OXCT1: variants seen among roughly 807,000 people sequenced by gnomAD.
The protein encoded by OXCT1 is 3-oxoacid CoA-transferase 1.
A neutral mutation model predicts 69.6 loss-of-function variants in OXCT1; 27 were observed. That is an observed-to-expected ratio of 0.39 (90% CI 0.29 to 0.54). The LOEUF (loss-of-function observed/expected upper bound fraction) is 0.54. Among genes scored for constraint, OXCT1 ranks in the 20% least tolerant of loss-of-function variants. The probability of loss-of-function intolerance (pLI) is 0.72; values close to 1 mark genes in which losing one functional copy is unlikely to be tolerated. For missense variants in OXCT1, 437 were observed against 650.2 expected, an observed-to-expected ratio of 0.67 and a Z score of 3.57; for synonymous variants, 202 against 217.8, an observed-to-expected ratio of 0.93 and a Z score of 0.64.
intron 11 of OXCT1, among the ~76,000 whole-genome samples, chr5:41,795,121 T>C (rs1746118145): frequency 6.6e-6 from 1 of 152,164 alleles, no homozygotes; most frequent in Admixed American, 6.5e-5. Flanking sequence ...CATCAGCTTA[T>C]CAAGCATTAG....
intron 7 of OXCT1, among the ~76,000 whole-genome samples, chr5:41,838,204 G>A (rs1748462219): frequency 6.6e-6 from 1 of 152,056 alleles, no homozygotes; most frequent in South Asian, 2.1e-4. Context: ...ACAGAACAGG[G>A]GGCTGGAGGT....
At chr5:41,809,116 T>TTTTGTATATTTATTACTTATAC (rs1409170254) in intron 7 of OXCT1, among the ~76,000 whole-genome samples, 4 of 152,050 alleles carry the variant, frequency 2.6e-5, no homozygotes, top group African/African-American at 9.7e-5. Context: ...AAATGCAAGA[T>TTTTGTATATTTATTACTTATAC]TTTGTATAAG....
In OXCT1 at chr5:41,801,025, C is replaced by A. The variant is rs1395320923; in HGVS notation, c.1096G>T (p.Ala366Ser). ...GGCTAGAAATAAGTGAGCTTACCTG[C>A]ATTGATGAGATCTGCATCAGCTTCA... Reference protein sequence around the residue: ...QHEADADLINAGKETVTILPG... With the variant: ...QHEADADLINSGKETVTILPG... Residue 366 changes from alanine (A) to serine (S), a missense_variant, in exon 11 of 17, where the codon GCA (alanine) becomes TCA (serine). By Grantham distance (99) the Ala-to-Ser change is moderately conservative. Transcript: ENST00000196371. 6.2e-7 allele frequency: 1 copy of A among 1,612,022 alleles called. No homozygotes were observed. The highest frequency in any genetic ancestry group is 1.7e-5 in the Admixed American group (1 of 59,952).
At chr5:41,823,695 C>G (rs1161473243) in intron 7 of OXCT1, among the ~76,000 whole-genome samples, 1 of 152,108 alleles carries the variant, frequency 6.6e-6, no homozygotes. Flanking sequence ...CACGTTAGGC[C>G]TGAAATTGGA....
chr5:41,787,416 A>C (rs1274020746), intron 13 of OXCT1, among the ~76,000 whole-genome samples: 6 of 152,106 alleles, frequency 3.9e-5, no homozygotes. Context: ...TGCAAGCTGC[A>C]GTACAGGAAG....
chr5:41,758,777 G>A (rs961543105), intron 14 of OXCT1, among the ~76,000 whole-genome samples: 3 of 152,024 alleles, frequency 2.0e-5, no homozygotes, highest in Non-Finnish European at 4.4e-5. Context: ...CAGACAGAGG[G>A]GGCATAGAAA....
At chr5:41,851,423 T>C (rs1749167189) in intron 4 of OXCT1, among the ~76,000 whole-genome samples, 1 of 152,168 alleles carries the variant, frequency 6.6e-6, no homozygotes, top group African/African-American at 2.4e-5. Context: ...ATCATCAAAA[T>C]TACCATAACA....
intron 7 of OXCT1, among the ~76,000 whole-genome samples, chr5:41,813,187 T>C (rs1304465162): frequency 1.3e-5 from 2 of 151,970 alleles, no homozygotes; most frequent in East Asian, 1.9e-4. Context: ...AGCAGGAAAA[T>C]GTGACTTGAG....
Position 41,730,562 on chromosome 5 carries a change from A to T in OXCT1, c.*1167T>A, listed in dbSNP as rs961699007. On this transcript the variant is annotated 3_prime_UTR_variant, in exon 17 of 17. Coordinates refer to ENST00000196371, the MANE Select transcript of OXCT1 (RefSeq NM_000436.4). ...GTCTCACCTGTTCTTCAGGGTGCCT[A>T]GACTTTTTACCCATCTATTATCCGG... The T allele has an allele frequency of 1.3e-5, 2 of 152,200 alleles. No homozygotes were observed. The highest frequency in any genetic ancestry group is 2.9e-5 in the Non-Finnish European group (2 of 68,052). 9.4% of individuals were successfully genotyped at this position (152,200 alleles called of 1,614,324 possible).
Position 41,731,077 on chromosome 5 carries a change from T to C in OXCT1, c.*652A>G, listed in dbSNP as rs1484378024. ...AATGAGAAAACTGAGAAGAATCAGT[T>C]AGGTTTCTAGCCCTCTTCCTATAAT... is the stretch of plus-strand genomic sequence containing the variant. On this transcript the variant is annotated 3_prime_UTR_variant, in exon 17 of 17. Coordinates refer to ENST00000196371, the MANE Select transcript of OXCT1 (RefSeq NM_000436.4). 1.3e-5 allele frequency: 2 copies of C among 152,360 alleles called. No individual in the cohort carries two copies. The highest frequency in any genetic ancestry group is 2.9e-5 in the Non-Finnish European group (2 of 68,208). 9.4% of individuals were successfully genotyped at this position (152,360 alleles called of 1,614,324 possible).
At chr5:41,732,834 A>G (rs951287587) in intron 16 of OXCT1, among the ~76,000 whole-genome samples, 1 of 152,232 alleles carries the variant, frequency 6.6e-6, no homozygotes, top group African/African-American at 2.4e-5. Flanking sequence ...TTTGGCTTTC[A>G]TAAGGTTAAA....
chr5:41,761,516 T>C (rs2112099276), intron 14 of OXCT1, among the ~76,000 whole-genome samples: 1 of 152,236 alleles, frequency 6.6e-6, no homozygotes, highest in East Asian at 1.9e-4. Flanking sequence ...GTAATTTTTG[T>C]CCAGTTTTGG....
At chr5:41,741,285 T>C (rs545091595) in intron 15 of OXCT1, among the ~76,000 whole-genome samples, 25 of 152,256 alleles carry the variant, frequency 1.6e-4, no homozygotes, top group Admixed American at 5.9e-4. Flanking sequence ...AAGTCAAACC[T>C]TGAATTGTCA....
At chr5:41,867,543 C>T (rs1750049796) in intron 1 of OXCT1, among the ~76,000 whole-genome samples, 1 of 152,138 alleles carries the variant, frequency 6.6e-6, no homozygotes, top group Admixed American at 6.5e-5. Flanking sequence ...GGAAGTGCAG[C>T]AAGGAGAAGA....
intron 5 of OXCT1, among the ~76,000 whole-genome samples, chr5:41,844,639 T>C (rs1172664399): frequency 6.6e-6 from 1 of 152,052 alleles, no homozygotes; most frequent in Non-Finnish European, 1.5e-5. Context: ...TCCCCTGATA[T>C]GACGTTCACT....
intron 1 of OXCT1, among the ~76,000 whole-genome samples, chr5:41,865,539 A>C (rs762801099): frequency 6.6e-6 from 1 of 152,184 alleles, no homozygotes; most frequent in African/African-American, 2.4e-5. Context: ...TTTGATATCT[A>C]TTTACTAACA....
intron 13 of OXCT1, among the ~76,000 whole-genome samples, chr5:41,776,648 C>A (rs574507539): frequency 1.3e-5 from 2 of 152,310 alleles, no homozygotes; most frequent in African/African-American, 4.8e-5. Context: ...CTTGTAGTAA[C>A]TGAACTTTAT....
At chr5:41,861,857 T>C (rs1749753699) in intron 2 of OXCT1, among the ~76,000 whole-genome samples, 1 of 152,234 alleles carries the variant, frequency 6.6e-6, no homozygotes, top group Admixed American at 6.5e-5. Flanking sequence ...GAACATTCAA[T>C]GACTTACTTG....
chr5:41,731,666 C>T lies in OXCT1; in HGVS notation c.*63G>A, dbSNP rs574131419. ...ATACACAATTATGATTATTGATGTC[C>T]TTTCAATTAAATCTTGTGTGTTTAA... On this transcript the variant is annotated 3_prime_UTR_variant, in exon 17 of 17. Coordinates refer to ENST00000196371, the MANE Select transcript of OXCT1 (RefSeq NM_000436.4). 16 of 1,559,142 alleles carry T rather than the reference C, an allele frequency of 1.0e-5. No homozygotes were observed. In the African/African-American group the frequency reaches 1.8e-4, roughly 17 times the overall value.
Sources: gnomAD v4.1 joint callset for allele counts (sites outside exome capture counted in the v4.1 genomes callset) on GRCh38, gnomAD v4.1.1 for gene constraint, MANE v1.5 for transcripts, NCBI Gene and HGNC (gene_info 2026-07-23, HGNC 2026-07-21) for gene names.